Variants in OSBP2 observed in about 807,000 individuals in gnomAD.
OSBP2 encodes the protein oxysterol binding protein 2, also known as oxysterol-binding protein 2.
In OSBP2, 66 loss-of-function variants were observed where a neutral mutation model predicts 96.0. The observed-to-expected ratio is 0.69, with a 90% confidence interval of 0.56 to 0.84. OSBP2 has a LOEUF of 0.84. Among genes scored for constraint, OSBP2 ranks in the 40% least tolerant of loss-of-function variants. The pLI is 0.00. For synonymous variants in OSBP2, 525 were observed against 520.9 expected (o/e 1.01, Z -0.11); for missense variants, 1,038 against 1,222.7 (o/e 0.85, Z 2.25).
rs766614174 is a variant in OSBP2 at position 30,890,946 on chromosome 22, C to T, written c.1842C>T (p.Asp614=). 1 of 1,610,140 alleles carries T rather than the reference C, an allele frequency of 6.2e-7. No homozygotes were observed. The highest frequency in any genetic ancestry group is 1.1e-5 in the South Asian group (1 of 91,078). ...CCTTCGAGCTGGACCGCCTCGACGACATGGGCCTGCGCTCCCTCTGTGAGC... is the reference window on the plus strand; with the variant it reads ...CCTTCGAGCTGGACCGCCTCGACGATATGGGCCTGCGCTCCCTCTGTGAGC... ...GETFELDRLD[D]MGLRSLCEQV... is the part of the protein sequence containing the mutation. The change falls in exon 8 of 14, where the codon GAC becomes GAT. Residue 614 remains aspartate, a synonymous_variant. Transcript: ENST00000332585. The surrounding 1 kb of genome is among the most constrained non-coding windows in gnomAD (Gnocchi z 4.4).
intron 2 of OSBP2, among the ~76,000 whole-genome samples, chr22:30,743,439 G>A (rs2089964725): frequency 6.6e-6 from 1 of 152,130 alleles, no homozygotes; most frequent in Admixed American, 6.5e-5. Context: ...ATGATGCTGA[G>A]CTTGACGGCG....
chr22:30,841,543 C>T (rs1290500559), intron 2 of OSBP2, among the ~76,000 whole-genome samples: 1 of 152,188 alleles, frequency 6.6e-6, no homozygotes, highest in East Asian at 1.9e-4. Flanking sequence ...TAGATACAGT[C>T]ATACCTCGGA....
rs2039709017 is a variant in OSBP2, at chr22:30,881,751, G to A, written c.1108-5675G>A. The stretch of plus-strand genomic sequence containing the variant: ...CACAGCACAGCCAGGATGGGGCCTG[G>A]AGAAGGCCGGCAGCAGCAGAGGAGA... On this transcript the variant is annotated intron_variant, in intron 3 of 13. Coordinates refer to ENST00000332585, the MANE Select transcript of OSBP2 (RefSeq NM_030758.4). This position sits in a 1 kb window ranked among gnomAD's most constrained non-coding sequence, Gnocchi z 4.5. 1 of 1,304,084 alleles carries A rather than the reference G, an allele frequency of 7.7e-7. No homozygotes were observed. The highest frequency in any genetic ancestry group is 2.3e-5 in the Admixed American group (1 of 43,554). 80.8% of individuals were successfully genotyped at this position (1,304,084 alleles called of 1,614,324 possible). A position where few individuals can be genotyped will look rare whatever the true frequency, so the allele number is the denominator to read the frequency against.
chr22:30,771,132 A>G (rs1474660016), intron 2 of OSBP2, among the ~76,000 whole-genome samples: 1 of 152,160 alleles, frequency 6.6e-6, no homozygotes, highest in Non-Finnish European at 1.5e-5. Flanking sequence ...GAAGCCTTCC[A>G]TGACCACCTC....
intron 2 of OSBP2, among the ~76,000 whole-genome samples, chr22:30,856,575 CG>C (rs2039084023): frequency 6.6e-6 from 1 of 151,510 alleles, no homozygotes; most frequent in Non-Finnish European, 1.5e-5. Flanking sequence ...TTAGTAGAGA[CG>C]GGATTTTGCC....
At chr22:30,731,418 C>T (rs561001480) in intron 1 of OSBP2, 7 of 152,462 alleles carry the variant, frequency 4.6e-5, no homozygotes, top group East Asian at 1.9e-4. Context: ...CAGAGCCATC[C>T]GTGGAGGGAA....
chr22:30,753,683 C>A (rs2090105644), intron 2 of OSBP2, among the ~76,000 whole-genome samples: 1 of 152,130 alleles, frequency 6.6e-6, no homozygotes, highest in African/African-American at 2.4e-5. Context: ...ATGTGCTTTC[C>A]CAAGGATTTT....
chr22:30,902,140 C>CAA (rs1239083048), intron 12 of OSBP2: 2,703 of 257,742 alleles, frequency 0.01, 23 homozygotes, highest in Middle Eastern at 0.014. Context: ...AAAAAAAAAC[C>CAA]AAAAAAAAAA....
rs929791675 is a variant in OSBP2, at chr22:30,858,435, C to T, written c.854-11994C>T. On this transcript the variant is annotated intron_variant, in intron 2 of 13. Transcript: ENST00000332585. ...TGCTGGGATTACAGGTGTGAGCCACCGCGCCCGGCCTCACTTTGTTTTTTA... is the reference window on the plus strand; with the variant it reads ...TGCTGGGATTACAGGTGTGAGCCACTGCGCCCGGCCTCACTTTGTTTTTTA... Among the ~76,000 whole-genome samples, 11 of 151,860 alleles carry T rather than the reference C, an allele frequency of 7.2e-5. 1 individual carries two copies. In the Middle Eastern group the frequency reaches 0.01, roughly 141 times the overall value.
chr22:30,822,630 A>G (rs1278323708), intron 2 of OSBP2: 8 of 1,531,978 alleles, frequency 5.2e-6, no homozygotes, highest in Non-Finnish European at 7.0e-6. Flanking sequence ...CGCCGCGGGA[A>G]ATGAAGGGAC....
intron 2 of OSBP2, among the ~76,000 whole-genome samples, chr22:30,858,650 G>T: frequency 6.6e-6 from 1 of 151,182 alleles, no homozygotes. Context: ...AGGCTGAGGC[G>T]GGCAAATCAC....
At chr22:30,723,015 G>A (rs2089578829) in intron 1 of OSBP2, among the ~76,000 whole-genome samples, 1 of 151,734 alleles carries the variant, frequency 6.6e-6, no homozygotes, top group Admixed American at 6.6e-5. Context: ...TGAACTCCTG[G>A]GCTCAAGTGA....
chr22:30,892,054 C>G (rs2039960805), intron 8 of OSBP2, among the ~76,000 whole-genome samples: 1 of 152,122 alleles, frequency 6.6e-6, no homozygotes, highest in South Asian at 2.1e-4. Flanking sequence ...GCCTCCTGAC[C>G]TGCCAGAGGA....
chr22:30,882,172 G>T (rs2039717019), intron 3 of OSBP2, among the ~76,000 whole-genome samples: 2 of 152,180 alleles, frequency 1.3e-5, no homozygotes, highest in African/African-American at 4.8e-5. Context: ...GGTGCTGGGA[G>T]GCCACCCCTT....
At chr22:30,816,711 T>C (rs967994816) in intron 2 of OSBP2, among the ~76,000 whole-genome samples, 1 of 152,176 alleles carries the variant, frequency 6.6e-6, no homozygotes, top group Admixed American at 6.5e-5. Context: ...TCAAACTGAA[T>C]GGTGCCCTTG....
intron 1 of OSBP2, among the ~76,000 whole-genome samples, chr22:30,707,123 A>C (rs912352502): frequency 6.6e-6 from 1 of 151,486 alleles, no homozygotes; most frequent in Non-Finnish European, 1.5e-5. Context: ...TTTGAGACGG[A>C]GTCTAGCTTT....
chr22:30,860,182 T>C (rs1388947216), intron 2 of OSBP2, among the ~76,000 whole-genome samples: 1 of 152,174 alleles, frequency 6.6e-6, no homozygotes, highest in Admixed American at 6.5e-5. Flanking sequence ...ACCAATATCC[T>C]TCCTACCCCC....
At position 30,893,576 on chromosome 22, in the gene OSBP2, G is replaced by A. The variant is rs201254353; in HGVS notation, c.2094+10G>A. ...GCTCTGGATCGACCAGGTCAGGGGC[G>A]CCCTTGGGGAGGGGGTGCATGGCCC... On this transcript the variant is annotated intron_variant, in intron 10 of 13. Coordinates refer to ENST00000332585, the MANE Select transcript of OSBP2 (RefSeq NM_030758.4). The A allele has an allele frequency of 6.5e-5, 105 of 1,613,454 alleles. No homozygotes were observed. In the East Asian group the frequency reaches 1.6e-3, roughly 25 times the overall value.
At chr22:30,768,150 G>A (rs762194489) in intron 2 of OSBP2, among the ~76,000 whole-genome samples, 24 of 152,116 alleles carry the variant, frequency 1.6e-4, no homozygotes, top group Non-Finnish European at 5.9e-5. Flanking sequence ...GAGCTCAAAG[G>A]AGATTGGTGT....
Sources: allele counts gnomAD v4.1 joint callset (sites outside exome capture counted in the v4.1 genomes callset), GRCh38; gene constraint gnomAD v4.1.1; non-coding constraint Gnocchi (gnomAD v3.1); transcripts MANE v1.5; gene names NCBI Gene and HGNC (gene_info 2026-07-23, HGNC 2026-07-21).